The following CDH8 variants were observed in gnomAD, a reference collection of about 807,000 sequenced individuals.
CDH8 encodes cadherin 8, also known as cadherin-8.
A neutral mutation model predicts 68.1 loss-of-function variants in CDH8; 17 were observed. The ratio of observed to expected loss-of-function variants is 0.25; its 90% CI spans 0.17 to 0.37. CDH8 has a LOEUF of 0.37. Among genes scored for constraint, CDH8 ranks in the 10% least tolerant of loss-of-function variants. The pLI is 1.00. For synonymous variants in CDH8, 372 were observed against 365.1 expected, an observed-to-expected ratio of 1.02 and a Z score of -0.21; for missense variants, 763 against 999.3, an observed-to-expected ratio of 0.76 and a Z score of 3.19.
intron 2 of CDH8, among the ~76,000 whole-genome samples, chr16:61,996,520 T>C (rs1170334909): frequency 1.3e-5 from 2 of 152,156 alleles, no homozygotes; most frequent in Admixed American, 6.5e-5. Flanking sequence ...TCGTATAATA[T>C]TGACATTCCA....
chr16:61,987,137 T>G (rs548209983), intron 2 of CDH8, among the ~76,000 whole-genome samples: 1 of 152,204 alleles, frequency 6.6e-6, no homozygotes, highest in African/African-American at 2.4e-5. Flanking sequence ...TACAGGAGAA[T>G]GTATAAAGTG....
rs193063744 is a variant in CDH8, at chr16:61,731,392, A to C, written c.1415-4177T>G. 1.9e-3 allele frequency among the ~76,000 whole-genome samples: 287 copies of C among 151,870 alleles called. 2 individuals are homozygous for C. The highest frequency in any genetic ancestry group is 6.6e-3 in the African/African-American group (274 of 41,526). On this transcript the variant is annotated intron_variant, in intron 8 of 11. Coordinates refer to ENST00000577390, the MANE Select transcript of CDH8 (RefSeq NM_001796.5). ...ATTTGAACAGATCATACCGTGGAAC[A>C]AATTATGACCTAGGACGCTTTTGAA... is the stretch of plus-strand genomic sequence containing the variant.
intron 2 of CDH8, among the ~76,000 whole-genome samples, chr16:61,973,328 C>G (rs1206008388): frequency 6.6e-6 from 1 of 152,172 alleles, no homozygotes; most frequent in Non-Finnish European, 1.5e-5. Context: ...TTTTCTGTAG[C>G]TTGCCTTATT....
chr16:61,739,170 C>A (rs1355419736), intron 8 of CDH8, among the ~76,000 whole-genome samples: 1 of 151,938 alleles, frequency 6.6e-6, no homozygotes, highest in Non-Finnish European at 1.5e-5. Flanking sequence ...AGGATTGACT[C>A]GAGATTATTG....
chr16:61,926,164 T>TGG (rs1480970686), intron 2 of CDH8, among the ~76,000 whole-genome samples: 1 of 151,216 alleles, frequency 6.6e-6, no homozygotes. Context: ...TGTGTGTGTG[T>TGG]GTGTGTGTGT....
intron 8 of CDH8, among the ~76,000 whole-genome samples, chr16:61,745,245 T>C (rs976856528): frequency 1.3e-5 from 2 of 151,936 alleles, no homozygotes; most frequent in African/African-American, 2.4e-5. Context: ...AAATAAGCTG[T>C]CTGCTTTTGA....
intron 2 of CDH8, among the ~76,000 whole-genome samples, chr16:61,919,926 C>A (rs888640276): frequency 1.3e-5 from 2 of 152,158 alleles, no homozygotes; most frequent in African/African-American, 2.4e-5. Context: ...TGAAACAGAA[C>A]AGAGCCCTCA....
chr16:61,904,558 A>T (rs995947635), intron 2 of CDH8, among the ~76,000 whole-genome samples: 1 of 152,210 alleles, frequency 6.6e-6, no homozygotes. Context: ...TTTGGTATAA[A>T]CCAAAATGCT....
intron 10 of CDH8, among the ~76,000 whole-genome samples, chr16:61,709,446 G>T (rs977335123): frequency 6.6e-6 from 1 of 152,094 alleles, no homozygotes; most frequent in Non-Finnish European, 1.5e-5. Context: ...GCTGGCATGG[G>T]AATCAGGAAA....
At chr16:61,877,407 AT>A (rs762387083) in intron 3 of CDH8, among the ~76,000 whole-genome samples, 28 of 152,048 alleles carry the variant, frequency 1.8e-4, no homozygotes, top group Admixed American at 6.6e-4. Context: ...TCTCATCTCC[AT>A]TTTTGCCAAG....
chr16:61,749,954 T>A (rs1404874182), intron 8 of CDH8, among the ~76,000 whole-genome samples: 1 of 152,094 alleles, frequency 6.6e-6, no homozygotes, highest in Admixed American at 6.6e-5. Flanking sequence ...GCAGGCTTGT[T>A]ACCTGGGTAT....
intron 10 of CDH8, among the ~76,000 whole-genome samples, chr16:61,687,103 A>G (rs1964124637): frequency 6.6e-6 from 1 of 151,988 alleles, no homozygotes; most frequent in Non-Finnish European, 1.5e-5. Context: ...GTGATGGATT[A>G]AATGAACCAT....
At chr16:61,911,089 G>A (rs1217413535) in intron 2 of CDH8, among the ~76,000 whole-genome samples, 2 of 152,140 alleles carry the variant, frequency 1.3e-5, no homozygotes, top group African/African-American at 2.4e-5. Flanking sequence ...GTGGGCAAGA[G>A]TGTGAGTGAA....
chr16:61,823,970 ACTTTCATGT>A (rs1160373762), intron 5 of CDH8, among the ~76,000 whole-genome samples: 9 of 151,930 alleles, frequency 5.9e-5, no homozygotes, highest in African/African-American at 2.2e-4. Flanking sequence ...AGATGTCTGC[ACTTTCATGT>A]TCATTCCAGG....
At chr16:61,665,531 G>A (rs1321757207) in intron 10 of CDH8, among the ~76,000 whole-genome samples, 1 of 151,840 alleles carries the variant, frequency 6.6e-6, no homozygotes, top group East Asian at 1.9e-4. Flanking sequence ...GAGAGAGAGT[G>A]TTAGGACAAA....
intron 2 of CDH8, among the ~76,000 whole-genome samples, chr16:61,917,737 C>T (rs190590009): frequency 6.6e-6 from 1 of 152,230 alleles, no homozygotes; most frequent in African/African-American, 2.4e-5. Context: ...GTACCTAGTA[C>T]ATAGTGAACC....
At chr16:61,978,270 T>C (rs1369518380) in intron 2 of CDH8, among the ~76,000 whole-genome samples, 1 of 152,186 alleles carries the variant, frequency 6.6e-6, no homozygotes. Flanking sequence ...AACCTCTTCC[T>C]GCACAAATCA....
intron 2 of CDH8, among the ~76,000 whole-genome samples, chr16:61,982,409 T>C (rs903269213): frequency 5.9e-5 from 9 of 151,920 alleles, no homozygotes; most frequent in Non-Finnish European, 8.8e-5. Context: ...TTAGTAGAGA[T>C]GGGGTTTCAC....
Position 62,036,158 on chromosome 16 carries a change from G to A in CDH8, c.-278C>T, listed in dbSNP as rs1034650532. On this transcript the variant is annotated 5_prime_UTR_variant, in exon 1 of 12. Coordinates refer to ENST00000577390, the MANE Select transcript of CDH8 (RefSeq NM_001796.5). ...GGAGGTGCTCGGGGTTAGCTCCCGA[G>A]GGCGGCAAGCGCCGACCGGTCCTCG... is the stretch of plus-strand genomic sequence containing the variant. The A allele has an allele frequency of 6.6e-6, 1 of 152,306 alleles. No individual in the cohort carries two copies. The highest frequency in any genetic ancestry group is 2.4e-5 in the African/African-American group (1 of 41,482). The allele number at this position is 152,306 out of a possible 1,614,324, so 9.4% of individuals were successfully genotyped here.
Sources: allele counts gnomAD v4.1 joint callset (sites outside exome capture counted in the v4.1 genomes callset), GRCh38; gene constraint gnomAD v4.1.1; transcripts MANE v1.5; gene names NCBI Gene and HGNC (gene_info 2026-07-23, HGNC 2026-07-21).